Variants in PPM1H observed in about 807,000 individuals in gnomAD.
PPM1H encodes the protein protein phosphatase 1H.
A neutral mutation model predicts 54.9 loss-of-function variants in PPM1H; 27 were observed. That is an observed-to-expected ratio of 0.49 (90% CI 0.36 to 0.68). PPM1H has a LOEUF of 0.68. Among genes scored for constraint, PPM1H ranks in the 30% least tolerant of loss-of-function variants. The pLI is 0.00. For synonymous variants in PPM1H, 305 were observed against 270.8 expected, an observed-to-expected ratio of 1.13 and a Z score of -1.24; for missense variants, 596 against 667.8, an observed-to-expected ratio of 0.89 and a Z score of 1.19.
At chr12:62,916,448 T>A (rs916089466) in intron 1 of PPM1H, among the ~76,000 whole-genome samples, 1 of 152,214 alleles carries the variant, frequency 6.6e-6, no homozygotes, top group African/African-American at 2.4e-5. Flanking sequence ...AGATGGTTCA[T>A]CTTTAAGTCT....
intron 5 of PPM1H, 102 bp from the exon 6 acceptor site, chr12:62,720,391 A>G: frequency 1.2e-6 from 1 of 821,342 alleles, no homozygotes; most frequent in Non-Finnish European, 1.9e-6. Flanking sequence ...CCATATTTTA[A>G]AAACAAGAAA....
At chr12:62,873,972 C>A (rs1870076669) in intron 1 of PPM1H, among the ~76,000 whole-genome samples, 1 of 152,088 alleles carries the variant, frequency 6.6e-6, no homozygotes, top group South Asian at 2.1e-4. Context: ...AGAGGAGGGT[C>A]CTTGCAGGGG....
chr12:62,667,116 T>C (rs1266489360), intron 9 of PPM1H, 62 bp downstream of exon 9: 37 of 1,466,020 alleles, frequency 2.5e-5, no homozygotes, highest in Non-Finnish European at 2.9e-5. Context: ...TGATTATTAA[T>C]TTCAGGCATG....
chr12:62,761,331 T>A (rs564523528), intron 4 of PPM1H, among the ~76,000 whole-genome samples: 5 of 152,186 alleles, frequency 3.3e-5, no homozygotes, highest in Admixed American at 6.5e-5. Flanking sequence ...TTCAAACCTG[T>A]ATGCAGAGTG....
chr12:62,767,522 T>C (rs148925241), intron 4 of PPM1H, among the ~76,000 whole-genome samples: 28 of 152,324 alleles, frequency 1.8e-4, no homozygotes, highest in African/African-American at 6.3e-4. Context: ...ATTTCACACA[T>C]GAAATACAAG....
At chr12:62,928,733 C>T (rs1450859592) in intron 1 of PPM1H, among the ~76,000 whole-genome samples, 1 of 152,216 alleles carries the variant, frequency 6.6e-6, no homozygotes, top group Non-Finnish European at 1.5e-5. Flanking sequence ...TTTGATGTTA[C>T]AAGTCTTTGG....
At chr12:62,668,535 C>G (rs1041705354) in intron 8 of PPM1H, among the ~76,000 whole-genome samples, 2 of 152,144 alleles carry the variant, frequency 1.3e-5, no homozygotes, top group Non-Finnish European at 2.9e-5. Flanking sequence ...GCCACTACAC[C>G]CAGCTAATTT....
intron 2 of PPM1H, among the ~76,000 whole-genome samples, chr12:62,820,382 AAG>A (rs1258431996): frequency 4.6e-5 from 7 of 152,210 alleles, no homozygotes; most frequent in African/African-American, 1.4e-4. Context: ...CCTGTCTATG[AAG>A]AGAGTAGTGG....
At chr12:62,865,039 C>G (rs1052138293) in intron 1 of PPM1H, among the ~76,000 whole-genome samples, 5 of 152,210 alleles carry the variant, frequency 3.3e-5, no homozygotes, top group Non-Finnish European at 7.3e-5. Context: ...AATGAATTCT[C>G]TCTCGGCAGA....
chr12:62,861,902 C>A (rs948936858), intron 1 of PPM1H, among the ~76,000 whole-genome samples: 2 of 152,208 alleles, frequency 1.3e-5, no homozygotes, highest in African/African-American at 4.8e-5. Context: ...AGCCAAGAAT[C>A]TGTATTATGA....
At chr12:62,923,061 T>C (rs1871851892) in intron 1 of PPM1H, among the ~76,000 whole-genome samples, 1 of 145,180 alleles carries the variant, frequency 6.9e-6, no homozygotes, top group Admixed American at 7.3e-5. Context: ...GGGCCAATGT[T>C]ATAAAACTGA....
chr12:62,712,206 C>A (rs2120428327), intron 6 of PPM1H, among the ~76,000 whole-genome samples: 2 of 152,308 alleles, frequency 1.3e-5, no homozygotes, highest in East Asian at 3.9e-4. Context: ...CCTGGCCCAG[C>A]CATTCTCCAT....
intron 1 of PPM1H, among the ~76,000 whole-genome samples, chr12:62,838,908 G>C (rs1227549948): frequency 1.4e-5 from 1 of 70,852 alleles, no homozygotes; most frequent in African/African-American, 8.1e-5. Flanking sequence ...GCGACAGAGC[G>C]AGACTCCGTC....
At chr12:62,801,663 A>T (rs889533804) in intron 3 of PPM1H, among the ~76,000 whole-genome samples, 153 bp downstream of exon 3, 4 of 152,100 alleles carry the variant, frequency 2.6e-5, no homozygotes, top group East Asian at 1.9e-4. Flanking sequence ...GCCAATTTCT[A>T]TTGGGAATGG....
At chr12:62,845,111 G>A (rs1048728505) in intron 1 of PPM1H, among the ~76,000 whole-genome samples, 1 of 152,234 alleles carries the variant, frequency 6.6e-6, no homozygotes, top group Admixed American at 6.5e-5. Flanking sequence ...GGCCAGGATG[G>A]CTCTTTTACA....
intron 2 of PPM1H, among the ~76,000 whole-genome samples, chr12:62,821,812 A>G (rs529492549): frequency 6.6e-6 from 1 of 152,236 alleles, no homozygotes; most frequent in Non-Finnish European, 1.5e-5. Context: ...AAAACATGCC[A>G]AATTGTAAAG....
At chr12:62,771,806 C>G (rs2076581562) in intron 4 of PPM1H, among the ~76,000 whole-genome samples, 1 of 152,200 alleles carries the variant, frequency 6.6e-6, no homozygotes, top group Non-Finnish European at 1.5e-5. Context: ...TATTTTGCCA[C>G]CATTCCTCCC....
At chr12:62,742,395 TTCTC>T (rs1163734188) in intron 4 of PPM1H, among the ~76,000 whole-genome samples, 1 of 152,224 alleles carries the variant, frequency 6.6e-6, no homozygotes, top group African/African-American at 2.4e-5. Flanking sequence ...CTTTTGATCT[TTCTC>T]TCTTTCATCA....
chr12:62,780,288 C>T (rs2076633940), intron 4 of PPM1H, among the ~76,000 whole-genome samples: 1 of 152,148 alleles, frequency 6.6e-6, no homozygotes, highest in South Asian at 2.1e-4. Context: ...AAGCTGTCTC[C>T]CCTATCCTGC....
Sources: gnomAD v4.1 joint callset for allele counts (sites outside exome capture counted in the v4.1 genomes callset) on GRCh38, gnomAD v4.1.1 for gene constraint, MANE v1.5 for transcripts, NCBI Gene and HGNC (gene_info 2026-07-23, HGNC 2026-07-21) for gene names.